GALNTL6: variants seen among roughly 807,000 people sequenced by gnomAD.
GALNTL6 encodes the protein polypeptide N-acetylgalactosaminyltransferase like 6, also known as polypeptide N-acetylgalactosaminyltransferase-like 6.
Under a neutral mutation model 73.7 loss-of-function variants are expected in GALNTL6, and 46 were observed. The ratio of observed to expected loss-of-function variants is 0.62; its 90% confidence interval spans 0.49 to 0.80. The LOEUF (loss-of-function observed/expected upper bound fraction) is 0.80, where lower values mean the gene tolerates loss of function less well. Ranked by LOEUF, GALNTL6 falls within the 30% of genes least tolerant of loss-of-function variation. The probability of loss-of-function intolerance (pLI) is 0.00; values close to 1 mark genes in which losing one functional copy is unlikely to be tolerated. For missense variants in GALNTL6, 604 were observed against 755.0 expected, an observed-to-expected ratio of 0.80 and a Z score of 2.34; for synonymous variants, 259 against 263.7, an observed-to-expected ratio of 0.98 and a Z score of 0.17.
intron 8 of GALNTL6, among the ~76,000 whole-genome samples, chr4:172,913,767 T>G (rs888818951): frequency 6.6e-6 from 1 of 152,204 alleles, no homozygotes; most frequent in East Asian, 1.9e-4. Flanking sequence ...TACATTTGAT[T>G]GGTGTACCTT....
intron 9 of GALNTL6, among the ~76,000 whole-genome samples, chr4:172,940,639 G>C (rs1050190810): frequency 8.5e-5 from 13 of 152,134 alleles, no homozygotes; most frequent in Non-Finnish European, 1.8e-4. Context: ...GGGATTACAG[G>C]CGCAAGCCAC....
chr4:171,870,362 C>T (rs149052157), intron 2 of GALNTL6, among the ~76,000 whole-genome samples: 1,828 of 152,272 alleles, frequency 0.012, 45 homozygotes, highest in African/African-American at 0.041. Flanking sequence ...AAAGAGGCCT[C>T]TTCCAGACGT....
intron 10 of GALNTL6, among the ~76,000 whole-genome samples, chr4:172,996,865 G>C (rs141352364): frequency 1.4e-3 from 212 of 151,896 alleles, no homozygotes; most frequent in Non-Finnish European, 2.5e-4. Flanking sequence ...TTTAAGTCCA[G>C]GTTTAAAATC....
intron 2 of GALNTL6, among the ~76,000 whole-genome samples, chr4:172,219,513 G>A (rs868132885): frequency 5.3e-5 from 8 of 151,430 alleles, no homozygotes; most frequent in African/African-American, 1.5e-4. Flanking sequence ...TATAATAATC[G>A]AAGTTGTTTT....
At chr4:172,069,494 T>TGTTA (rs1414224869) in intron 2 of GALNTL6, among the ~76,000 whole-genome samples, 1 of 58,934 alleles carries the variant, frequency 1.7e-5, no homozygotes, top group African/African-American at 5.1e-5. Flanking sequence ...AACACATATG[T>TGTTA]TATATGTATA....
At chr4:172,104,972 T>C (rs1209060840) in intron 2 of GALNTL6, among the ~76,000 whole-genome samples, 2 of 152,064 alleles carry the variant, frequency 1.3e-5, no homozygotes, top group African/African-American at 2.4e-5. Flanking sequence ...ACAAAGCTCA[T>C]ATAGAAACAA....
chr4:172,451,392 G>C (rs1299299559), intron 5 of GALNTL6, among the ~76,000 whole-genome samples: 8 of 152,146 alleles, frequency 5.3e-5, no homozygotes, highest in African/African-American at 2.4e-5. Context: ...ATTTATAATA[G>C]TTCTTAGCTC....
chr4:171,856,694 T>C (rs1013962067), intron 2 of GALNTL6, among the ~76,000 whole-genome samples: 39 of 152,352 alleles, frequency 2.6e-4, no homozygotes, highest in African/African-American at 9.4e-4. Flanking sequence ...GCTTATTCTT[T>C]ATTCATTGAA....
At chr4:172,571,904 T>C (rs1736777060) in intron 5 of GALNTL6, among the ~76,000 whole-genome samples, 1 of 152,186 alleles carries the variant, frequency 6.6e-6, no homozygotes, top group Admixed American at 6.5e-5. Flanking sequence ...GTTTTCTCAT[T>C]GTGTCTCTGC....
Position 173,036,619 on chromosome 4 carries a change from A to G in GALNTL6, c.1639-3314A>G, listed in dbSNP as rs78136832. ...ACAAAACCAAAACAAACAGAAAAAC[A>G]CAAAAATAGATGGAGTAGGCATCCA... On this transcript the variant is annotated intron_variant, in intron 12 of 12. Transcript: ENST00000506823. Among the ~76,000 whole-genome samples the G allele has an allele frequency of 2.2e-4, 34 of 152,352 alleles. No homozygotes were observed. In the East Asian group the frequency reaches 5.8e-3, roughly 26 times the overall value.
At chr4:171,988,569 T>C (rs1003784210) in intron 2 of GALNTL6, among the ~76,000 whole-genome samples, 3 of 152,046 alleles carry the variant, frequency 2.0e-5, no homozygotes, top group African/African-American at 4.8e-5. Flanking sequence ...TAGGAGAGTA[T>C]ATGGGTTTGG....
chr4:172,347,365 C>T (rs1446320915), intron 4 of GALNTL6, among the ~76,000 whole-genome samples: 1 of 152,146 alleles, frequency 6.6e-6, no homozygotes, highest in East Asian at 1.9e-4. Context: ...TGTACAATAG[C>T]TTGTCCTAAT....
At chr4:172,247,409 A>G (rs1372878092) in intron 3 of GALNTL6, among the ~76,000 whole-genome samples, 1 of 152,166 alleles carries the variant, frequency 6.6e-6, no homozygotes, top group Non-Finnish European at 1.5e-5. Context: ...GTTGTACTTC[A>G]TCATTAAGGC....
intron 2 of GALNTL6, among the ~76,000 whole-genome samples, chr4:172,015,083 T>C (rs751613740): frequency 7.2e-5 from 11 of 152,110 alleles, no homozygotes; most frequent in Admixed American, 2.0e-4. Context: ...TTTTAAGATA[T>C]AGCTTAAGTT....
intron 5 of GALNTL6, among the ~76,000 whole-genome samples, chr4:172,777,175 A>AT (rs569772497): frequency 6.6e-6 from 1 of 152,238 alleles, no homozygotes; most frequent in Non-Finnish European, 1.5e-5. Context: ...TCAATAAATA[A>AT]TTTTTTTAAA....
At chr4:172,005,425 A>ATTTGTAAAAAGGGATTTGTAAAAAG (rs1395471082) in intron 2 of GALNTL6, among the ~76,000 whole-genome samples, 1 of 152,092 alleles carries the variant, frequency 6.6e-6, no homozygotes, top group East Asian at 1.9e-4. Context: ...CTGCCCCAGG[A>ATTTGTAAAAAGGGATTTGTAAAAAG]CTTAAAAAGC....
chr4:171,881,086 T>C (rs1451387021), intron 2 of GALNTL6, among the ~76,000 whole-genome samples: 1 of 151,980 alleles, frequency 6.6e-6, no homozygotes, highest in Non-Finnish European at 1.5e-5. Context: ...ACAATCTCTA[T>C]CCCTTTTCAG....
intron 3 of GALNTL6, among the ~76,000 whole-genome samples, chr4:172,275,659 C>T (rs1232185513): frequency 6.6e-6 from 1 of 152,112 alleles, no homozygotes; most frequent in Non-Finnish European, 1.5e-5. Flanking sequence ...AAAGAAGAGA[C>T]TATAGTTAAG....
At chr4:172,498,014 T>A (rs338010) in intron 5 of GALNTL6, among the ~76,000 whole-genome samples, 2 of 139,472 alleles carry the variant, frequency 1.4e-5, no homozygotes, top group Non-Finnish European at 1.5e-5. Flanking sequence ...TTTTTTGAGA[T>A]GGAGTCTTGC....
Sources: allele counts gnomAD v4.1 joint callset (sites outside exome capture counted in the v4.1 genomes callset), GRCh38; gene constraint gnomAD v4.1.1; transcripts MANE v1.5; gene names NCBI Gene and HGNC (gene_info 2026-07-23, HGNC 2026-07-21).